BCL9: variants seen among roughly 807,000 people sequenced by gnomAD.
The protein encoded by BCL9 is B-cell CLL/lymphoma 9 protein.
A neutral mutation model predicts 88.5 loss-of-function variants in BCL9; 25 were observed. That is an observed-to-expected ratio of 0.28 (90% confidence interval 0.21 to 0.39). The LOEUF is 0.39. Ranked by LOEUF, BCL9 falls within the 10% of genes least tolerant of loss-of-function variation. The pLI, the probability that BCL9 is intolerant of heterozygous loss-of-function variation, is 1.00. For missense variants in BCL9, 1,817 were observed against 1,877.8 expected, an observed-to-expected ratio of 0.97 and a Z score of 0.60; for synonymous variants, 711 against 673.3, an observed-to-expected ratio of 1.06 and a Z score of -0.87.
rs1553205972 is a variant in BCL9 at position 147,624,052 on chromosome 1, A to C, written c.3374A>C (p.Gln1125Pro). The change falls in exon 10 of 10, where the codon CAG becomes CCG. Residue 1125 changes from glutamine to proline, a missense_variant. Physicochemically the swap from Gln to Pro is moderately conservative, Grantham distance 76. This residue lies in a region of BCL9 where 589 missense variants were observed against 686.2 expected (regional missense o/e 0.86). Transcript: ENST00000234739. The surrounding 1 kb of genome is among the most constrained non-coding windows in gnomAD (Gnocchi z 4.4). Reference protein sequence around the residue: ...SHNPIMGHGSQEPPMVPQGRM... With the variant: ...SHNPIMGHGSPEPPMVPQGRM... ...AATCCTATCATGGGGCATGGGTCCC[A>C]GGAGCCACCGATGGTACCTCAAGGA... 1.2e-6 allele frequency: 2 copies of C among 1,614,014 alleles called. No homozygotes were observed. The highest frequency in any genetic ancestry group is 3.3e-5 in the Admixed American group (2 of 60,022).
At chr1:147,577,523 C>A (rs1656165094) in intron 1 of BCL9, among the ~76,000 whole-genome samples, 1 of 152,126 alleles carries the variant, frequency 6.6e-6, no homozygotes, top group Admixed American at 6.5e-5. Context: ...GAGGTATCAT[C>A]TAAGACCACA....
At chr1:147,601,026 T>C (rs1557846722) in intron 1 of BCL9, among the ~76,000 whole-genome samples, 1 of 152,026 alleles carries the variant, frequency 6.6e-6, no homozygotes, top group Non-Finnish European at 1.5e-5. Flanking sequence ...GCAGGGTTGG[T>C]TATTATGTCC....
At chr1:147,582,376 A>C (rs1656404967) in intron 1 of BCL9, among the ~76,000 whole-genome samples, 1 of 152,234 alleles carries the variant, frequency 6.6e-6, no homozygotes, top group Non-Finnish European at 1.5e-5. Context: ...GGGAATTATT[A>C]AGGCAATTAG....
In BCL9 at chr1:147,598,139, T is replaced by C. The variant is rs587707876; in HGVS notation, c.-477-6638T>C. Among the ~76,000 whole-genome samples, 243 of 152,340 alleles carry C rather than the reference T, an allele frequency of 1.6e-3. 1 individual carries two copies. Among genetic ancestry groups the C allele is most frequent in the African/African-American group, 5.7e-3 (235 of 41,566 alleles). ...GCATATTGCTGATTTGGTTGTCTTT[T>C]CTAATACCATAAGAAAAGTCCGTAA... On this transcript the variant is annotated intron_variant, in intron 1 of 9. Coordinates refer to ENST00000234739, the MANE Select transcript of BCL9 (RefSeq NM_004326.4).
chr1:147,543,894 AC>A (rs1553194034), intron 1 of BCL9, among the ~76,000 whole-genome samples: 1 of 152,114 alleles, frequency 6.6e-6, no homozygotes, highest in African/African-American at 2.4e-5. Context: ...AAAGAGAGGC[AC>A]CTTTTGTAGT....
intron 1 of BCL9, among the ~76,000 whole-genome samples, chr1:147,588,244 T>C (rs1656703606): frequency 6.6e-6 from 1 of 152,178 alleles, no homozygotes; most frequent in Non-Finnish European, 1.5e-5. Flanking sequence ...ATCCAAGTTC[T>C]AGCCCTAGTT....
chr1:147,585,761 C>T (rs1340631220), intron 1 of BCL9, among the ~76,000 whole-genome samples: 3 of 152,128 alleles, frequency 2.0e-5, no homozygotes, highest in Non-Finnish European at 2.9e-5. Context: ...TTGCTGAGTG[C>T]TTTAAGCGTT....
intron 1 of BCL9, among the ~76,000 whole-genome samples, chr1:147,565,462 C>A (rs1328657601): frequency 1.3e-5 from 2 of 152,222 alleles, no homozygotes; most frequent in African/African-American, 4.8e-5. Context: ...AGTGGGCATT[C>A]TTCCTCTTGC....
At chr1:147,557,287 A>G (rs1655156644) in intron 1 of BCL9, among the ~76,000 whole-genome samples, 1 of 152,222 alleles carries the variant, frequency 6.6e-6, no homozygotes, top group Admixed American at 6.5e-5. Flanking sequence ...AAAAATCCTC[A>G]TTTACAACCA....
intron 1 of BCL9, among the ~76,000 whole-genome samples, chr1:147,599,785 C>T (rs1553200949): frequency 7.8e-6 from 1 of 128,174 alleles, no homozygotes; most frequent in African/African-American, 2.9e-5. Flanking sequence ...GGGGGCGGGG[C>T]GGCGGGAGGT....
At chr1:147,593,892 G>T (rs1656942587) in intron 1 of BCL9, among the ~76,000 whole-genome samples, 1 of 152,104 alleles carries the variant, frequency 6.6e-6, no homozygotes. Flanking sequence ...GCCTATCTAG[G>T]CTATATTTTT....
intron 1 of BCL9, among the ~76,000 whole-genome samples, chr1:147,599,392 G>A (rs1337445897): frequency 3.3e-5 from 5 of 152,238 alleles, no homozygotes; most frequent in African/African-American, 1.2e-4. Context: ...GACCTGGGCA[G>A]CAGGGAAGAG....
At chr1:147,587,714 A>G (rs587720734) in intron 1 of BCL9, among the ~76,000 whole-genome samples, 1 of 152,012 alleles carries the variant, frequency 6.6e-6, no homozygotes, top group South Asian at 2.1e-4. Context: ...AACCCAAAGG[A>G]AATGTTCTCT....
rs1180450905 is a variant in BCL9 at position 147,568,475 on chromosome 1, C to CA, written c.-478+26807dup. Among the ~76,000 whole-genome samples the CA allele has an allele frequency of 1.2e-3, 42 of 34,756 alleles. 2 individuals carry two copies. The highest frequency in any genetic ancestry group is 3.2e-3 in the Admixed American group (8 of 2,514). The allele number at this position is 34,756 out of a possible 152,430, so 22.8% of individuals were successfully genotyped here. On this transcript the variant is annotated intron_variant, in intron 1 of 9. Coordinates refer to ENST00000234739, the MANE Select transcript of BCL9 (RefSeq NM_004326.4). ...ATACAAAGGTTGTTGAAAGAAAAAG[C>CA]AAAAAAGAAAAAAAAAACAAGTTTC...
At chr1:147,605,914 G>C (rs1657676000) in intron 2 of BCL9, among the ~76,000 whole-genome samples, 1 of 152,210 alleles carries the variant, frequency 6.6e-6, no homozygotes, top group African/African-American at 2.4e-5. Context: ...AAATGGGAAA[G>C]CATCATTGAA....
intron 1 of BCL9, among the ~76,000 whole-genome samples, chr1:147,552,082 A>G (rs1260194196): frequency 1.3e-5 from 2 of 152,096 alleles, no homozygotes; most frequent in Admixed American, 1.3e-4. Flanking sequence ...ACTAATTATA[A>G]AGCATATACC....
At chr1:147,579,511 G>C (rs1475039378) in intron 1 of BCL9, among the ~76,000 whole-genome samples, 7 of 152,170 alleles carry the variant, frequency 4.6e-5, no homozygotes, top group East Asian at 1.9e-4. Context: ...CCCTCTTATA[G>C]CCCATGTCCT....
rs1553204832 is a variant in BCL9 at position 147,619,945 on chromosome 1, C to T, written c.1790C>T (p.Pro597Leu). Residue 597 changes from proline (P) to leucine (L), a missense_variant, in exon 8 of 10, where the codon CCA becomes CTA. By Grantham distance (98) the Pro-to-Leu change is moderately conservative. Around this residue, in one of 2 missense-constraint regions of BCL9, gnomAD observed 1,228 missense variants for 1,191.6 expected, o/e 1.03. Transcript: ENST00000234739. The surrounding 1 kb of genome is among the most constrained non-coding windows in gnomAD (Gnocchi z 4.1). Reference protein sequence around the residue: ...LSGVSWPDDVPKIPDGRNFPP... With the variant: ...LSGVSWPDDVLKIPDGRNFPP... ...GGAGTCAGTTGGCCAGATGATGTGCCAAAAATCCCAGATGGTCGAAATTTT... is the reference window on the plus strand; with the variant it reads ...GGAGTCAGTTGGCCAGATGATGTGCTAAAAATCCCAGATGGTCGAAATTTT... 7 of 1,614,150 alleles carry T rather than the reference C, an allele frequency of 4.3e-6. No homozygotes were observed. In the Admixed American group the frequency reaches 6.7e-5, roughly 15 times the overall value.
chr1:147,625,093 G>C lies in BCL9; in HGVS notation c.*134G>C. On this transcript the variant is annotated 3_prime_UTR_variant, in exon 10 of 10. Coordinates refer to ENST00000234739, the MANE Select transcript of BCL9 (RefSeq NM_004326.4). ...CAGAGACCCGAGGGCTGCTTTGGGGGAGGGGGGAACTCGAGAATGTATGGA... is the reference window on the plus strand; with the variant it reads ...CAGAGACCCGAGGGCTGCTTTGGGGCAGGGGGGAACTCGAGAATGTATGGA... 1 of 1,108,238 alleles carries C rather than the reference G, an allele frequency of 9.0e-7. No homozygotes were observed. The highest frequency in any genetic ancestry group is 1.2e-6 in the Non-Finnish European group (1 of 813,930). The allele number at this position is 1,108,238 out of a possible 1,614,324, so 68.7% of individuals were successfully genotyped here.
Sources: gnomAD v4.1 joint callset for allele counts (sites outside exome capture counted in the v4.1 genomes callset) on GRCh38, gnomAD v4.1.1 for gene constraint, gnomAD v4.1.1 regional missense constraint, Gnocchi (gnomAD v3.1) non-coding constraint, MANE v1.5 for transcripts, NCBI Gene and HGNC (gene_info 2026-07-23, HGNC 2026-07-21) for gene names.